Variants in LYST observed in about 807,000 individuals in gnomAD.
LYST encodes the protein lysosomal trafficking regulator.
Under a neutral mutation model 413.6 loss-of-function variants are expected in LYST, and 192 were observed. The observed-to-expected ratio is 0.46, with a 90% confidence interval of 0.41 to 0.52. LYST has a LOEUF of 0.52. Among genes scored for constraint, LYST ranks in the 20% least tolerant of loss-of-function variants. The pLI is 0.00. For missense variants in LYST, 3,815 were observed against 4,499.9 expected, an observed-to-expected ratio of 0.85 and a Z score of 4.35; for synonymous variants, 1,525 against 1,567.3, an observed-to-expected ratio of 0.97 and a Z score of 0.64.
At position 235,697,149 on chromosome 1, in the gene LYST, G is replaced by A; in HGVS notation, c.10498C>T (p.Pro3500Ser). The A allele has an allele frequency of 6.2e-7, 1 of 1,613,994 alleles. No individual in the cohort carries two copies. ...GACAAACCACAGATTGCTCTGGTGGGCAGAGCCTGGAGAGAGCCAAATCTT... is the reference window on the plus strand; with the variant it reads ...GACAAACCACAGATTGCTCTGGTGGACAGAGCCTGGAGAGAGCCAAATCTT... The part of the protein sequence containing the change: ...GERFGSLQAL[P>S]TRAICGLSRN... The change falls in exon 46 of 53, where the codon CCC becomes TCC. Residue 3500 changes from proline to serine, a missense_variant. Pro to Ser is a moderately conservative substitution (Grantham distance 74, BLOSUM62 -1). This residue lies in a region of LYST where 866 missense variants were observed against 1,156.0 expected (regional missense o/e 0.75). Coordinates refer to ENST00000389793, the MANE Select transcript of LYST (RefSeq NM_000081.4).
intron 31 of LYST, chr1:235,735,727 T>C (rs1664764136): frequency 6.6e-6 from 1 of 152,166 alleles, no homozygotes. Flanking sequence ...ACATTTTGGG[T>C]GATATTTAAA....
chr1:235,770,381 A>G, intron 19 of LYST, 84 bp from the exon 20 acceptor site: 1 of 1,178,112 alleles, frequency 8.5e-7, no homozygotes, highest in South Asian at 1.2e-5. Flanking sequence ...AACGCGCAAC[A>G]ATTTAACATT....
At chr1:235,765,272 C>G (rs965067447) in intron 21 of LYST, among the ~76,000 whole-genome samples, 8 of 152,156 alleles carry the variant, frequency 5.3e-5, no homozygotes, top group Non-Finnish European at 5.9e-5. Flanking sequence ...CTAAACTTCC[C>G]ACTTCTCAAT....
intron 34 of LYST, among the ~76,000 whole-genome samples, chr1:235,732,465 C>T (rs549162178): frequency 6.6e-6 from 1 of 152,106 alleles, no homozygotes; most frequent in African/African-American, 2.4e-5. Context: ...CTGTGCCTGG[C>T]CTGCCTTCCA....
intron 20 of LYST, 97 bp downstream of exon 20, chr1:235,770,063 A>G (rs1267987396): frequency 2.6e-5 from 30 of 1,135,468 alleles, no homozygotes; most frequent in Non-Finnish European, 3.5e-5. Context: ...AAAAAAGAAA[A>G]AAAGTCCCAT....
intron 29 of LYST, among the ~76,000 whole-genome samples, chr1:235,744,461 GATC>G (rs1297812279): frequency 6.6e-6 from 1 of 152,064 alleles, no homozygotes; most frequent in African/African-American, 2.4e-5. Flanking sequence ...CAAACATAAA[GATC>G]ATGTCATATT....
At chr1:235,684,819 A>C (rs1412521473) in intron 48 of LYST, among the ~76,000 whole-genome samples, 1 of 151,864 alleles carries the variant, frequency 6.6e-6, no homozygotes, top group Non-Finnish European at 1.5e-5. Flanking sequence ...GGTAGAAATA[A>C]GGTCTTGCTA....
At chr1:235,709,332 T>G in intron 43 of LYST, 24 bp from the exon 44 acceptor site, 1 of 1,541,142 alleles carries the variant, frequency 6.5e-7, no homozygotes, top group Non-Finnish European at 8.9e-7. Flanking sequence ...TTAATATTAA[T>G]ATTTAACTCC....
chr1:235,694,266 C>T (rs1211986788), intron 46 of LYST, among the ~76,000 whole-genome samples: 2 of 152,026 alleles, frequency 1.3e-5, no homozygotes, highest in East Asian at 1.9e-4. Flanking sequence ...CTGCCCGCCT[C>T]GGCCTCCCAA....
Position 235,833,635 on chromosome 1 carries a change from G to A in LYST, c.-65C>T. The A allele has an allele frequency of 6.4e-6, 6 of 943,384 alleles. No individual in the cohort carries two copies. The highest frequency in any genetic ancestry group is 7.6e-6 in the Non-Finnish European group (6 of 791,690). 58.4% of individuals were successfully genotyped at this position (943,384 alleles called of 1,614,324 possible). A position where few individuals can be genotyped will look rare whatever the true frequency, so the allele number is the denominator to read the frequency against. On this transcript the variant is annotated 5_prime_UTR_variant, in exon 2 of 53. Transcript: ENST00000389793. ...CTATATCATTTGGACTCATAAACTA[G>A]ATGAAACAAATATTCTTAGAACAAA... is the stretch of plus-strand genomic sequence containing the variant.
At chr1:235,735,879 C>G (rs1337300310) in intron 31 of LYST, 1 of 152,060 alleles carries the variant, frequency 6.6e-6, no homozygotes, top group Non-Finnish European at 1.5e-5. Context: ...GAAAAATGAA[C>G]AGAAGCTCTG....
chr1:235,734,786 A>G, intron 31 of LYST, 127 bp from the exon 32 acceptor site: 1 of 628,074 alleles, frequency 1.6e-6, no homozygotes. Flanking sequence ...AGCACCTACA[A>G]AAGACATTCT....
At chr1:235,857,770 CACACACACACACACATAT>C (rs1679371390) in intron 1 of LYST, among the ~76,000 whole-genome samples, 1 of 139,590 alleles carries the variant, frequency 7.2e-6, no homozygotes. Context: ...CACACACACA[CACACACACACACACATAT>C]ATATATAAAA....
At chr1:235,870,498 G>A (rs1274914703), upstream of LYST, among the ~76,000 whole-genome samples, 2 of 152,166 alleles carry the variant, frequency 1.3e-5, no homozygotes, top group Non-Finnish European at 2.9e-5. Context: ...GGGAGTCTCT[G>A]AGCCTACCTT....
chr1:235,833,100 A>G (rs1156706055), intron 2 of LYST, among the ~76,000 whole-genome samples: 1 of 151,690 alleles, frequency 6.6e-6, no homozygotes, highest in African/African-American at 2.4e-5. Context: ...ATCTAATTGT[A>G]TCAGTTTGCA....
At position 235,677,528 on chromosome 1, in the gene LYST, A is replaced by G. The variant is rs1197825650; in HGVS notation, c.10892T>C (p.Leu3631Pro). 1.9e-6 allele frequency: 3 copies of G among 1,613,354 alleles called. No homozygotes were observed. ...SLFVCKPYSILISVSRDGTCI... is the reference protein window; with the variant it reads ...SLFVCKPYSIPISVSRDGTCI... ...GGTTCCGTCTCTGCTCACACTTATC[A>G]GTATACTGTATGGTTTGCAAACAAA... Residue 3631 changes from leucine (L) to proline (P), a missense_variant, in exon 49 of 53, where the codon CTG (leucine) becomes CCG (proline). Leu to Pro is a moderately conservative substitution (Grantham distance 98). Around this residue, in one of 4 missense-constraint regions of LYST, gnomAD observed 866 missense variants for 1,156.0 expected, o/e 0.75. Transcript: ENST00000389793.
intron 31 of LYST, chr1:235,737,915 G>GATATGC: frequency 2.6e-6 from 3 of 1,160,568 alleles, no homozygotes; most frequent in Non-Finnish European, 3.2e-6. Context: ...CGCTGCCGAC[G>GATATGC]AGTCTGGATC....
At chr1:235,753,386 T>G (rs751597672) in intron 25 of LYST, 112 bp from the exon 26 acceptor site, 4 of 711,596 alleles carry the variant, frequency 5.6e-6, no homozygotes, top group African/African-American at 1.8e-5. Flanking sequence ...TAAAAACAAG[T>G]TGGGGGAGTA....
chr1:235,672,007 G>T (rs1658980694), intron 50 of LYST, among the ~76,000 whole-genome samples: 2 of 152,160 alleles, frequency 1.3e-5, no homozygotes, highest in South Asian at 4.1e-4. Flanking sequence ...TTTGTAAGTA[G>T]AGAAGATAAT....
Sources: gnomAD v4.1 joint callset for allele counts (sites outside exome capture counted in the v4.1 genomes callset) on GRCh38, gnomAD v4.1.1 for gene constraint, gnomAD v4.1.1 regional missense constraint, MANE v1.5 for transcripts, NCBI Gene and HGNC (gene_info 2026-07-23, HGNC 2026-07-21) for gene names.